Variants in RTN1 observed in about 807,000 individuals in gnomAD.
RTN1 encodes the protein reticulon 1.
Under a neutral mutation model 65.5 loss-of-function variants are expected in RTN1, and 25 were observed. The observed-to-expected ratio is 0.38, with a 90% CI of 0.28 to 0.53. The LOEUF is 0.53. Ranked by LOEUF, RTN1 falls within the 20% of genes least tolerant of loss-of-function variation. The pLI is 0.79. For missense variants in RTN1, 983 were observed against 1,025.4 expected (o/e 0.96, Z 0.57); for synonymous variants, 471 against 447.6 (o/e 1.05, Z -0.66).
At chr14:59,675,470 A>C (rs550720827) in intron 3 of RTN1, among the ~76,000 whole-genome samples, 26 of 150,966 alleles carry the variant, frequency 1.7e-4, no homozygotes, top group African/African-American at 4.2e-4. Context: ...TAATTTATTG[A>C]GCACTTACTA....
At chr14:59,704,793 T>C (rs945961433) in intron 3 of RTN1, among the ~76,000 whole-genome samples, 1 of 152,136 alleles carries the variant, frequency 6.6e-6, no homozygotes, top group Admixed American at 6.5e-5. Context: ...TCCCGGACAC[T>C]GTGATCAGGA....
At chr14:59,661,305 C>T (rs369187442) in intron 3 of RTN1, among the ~76,000 whole-genome samples, 5 of 149,564 alleles carry the variant, frequency 3.3e-5, no homozygotes, top group South Asian at 4.2e-4. Flanking sequence ...GATTCACAGC[C>T]GAATTCTATT....
chr14:59,666,734 G>C (rs1476937066), intron 3 of RTN1, among the ~76,000 whole-genome samples: 1 of 151,798 alleles, frequency 6.6e-6, no homozygotes, highest in Non-Finnish European at 1.5e-5. Context: ...GATTCAAATA[G>C]ATGCAATAAA....
chr14:59,675,871 C>T (rs1883616596), intron 3 of RTN1, among the ~76,000 whole-genome samples: 1 of 152,110 alleles, frequency 6.6e-6, no homozygotes, highest in Non-Finnish European at 1.5e-5. Flanking sequence ...ATGCAACCAG[C>T]TATTAAGGGC....
intron 1 of RTN1, among the ~76,000 whole-genome samples, chr14:59,767,109 T>C (rs570431467): frequency 6.6e-6 from 1 of 152,306 alleles, no homozygotes; most frequent in Admixed American, 6.5e-5. Context: ...CTGCCTTTCT[T>C]CCCTTTAGTA....
intron 1 of RTN1, among the ~76,000 whole-genome samples, chr14:59,818,603 G>A (rs908787184): frequency 1.1e-4 from 16 of 151,982 alleles, no homozygotes; most frequent in African/African-American, 2.9e-4. Flanking sequence ...CTTTGTCATC[G>A]CGAATAGTAT....
chr14:59,800,362 A>G (rs1259320874), intron 1 of RTN1, among the ~76,000 whole-genome samples: 1 of 152,166 alleles, frequency 6.6e-6, no homozygotes, highest in Non-Finnish European at 1.5e-5. Context: ...TTTATTCAAA[A>G]CTAAAAGGAA....
chr14:59,855,563 T>C (rs1488068910), intron 1 of RTN1, among the ~76,000 whole-genome samples: 1 of 152,228 alleles, frequency 6.6e-6, no homozygotes, highest in East Asian at 1.9e-4. Flanking sequence ...CAGATAATTC[T>C]ACCATCTGTG....
intron 1 of RTN1, among the ~76,000 whole-genome samples, chr14:59,769,712 A>G (rs1885917556): frequency 6.6e-6 from 1 of 152,240 alleles, no homozygotes; most frequent in Admixed American, 6.5e-5. Flanking sequence ...ATTCCTGACA[A>G]CATCAACTCA....
rs1566710984 is a variant in RTN1 at position 59,749,169 on chromosome 14, T to TC, written c.242-2689_242-2688insG. The stretch of plus-strand genomic sequence containing the variant: ...ATCTATCTATCTATATCTATCTATA[T>TC]ATCTATCTATATATCTATCTATATA... On this transcript the variant is annotated intron_variant, in intron 1 of 8. Transcript: ENST00000267484. Among the ~76,000 whole-genome samples, 3 of 105,472 alleles carry TC rather than the reference T, an allele frequency of 2.8e-5. No individual in the cohort carries two copies. In the Admixed American group the frequency reaches 3.3e-4, roughly 12 times the overall value. The allele number at this position is 105,472 out of a possible 152,430, so 69.2% of individuals were successfully genotyped here.
intron 3 of RTN1, among the ~76,000 whole-genome samples, chr14:59,643,451 C>T (rs1179853465): frequency 6.6e-6 from 1 of 152,170 alleles, no homozygotes; most frequent in Admixed American, 6.5e-5. Flanking sequence ...GACTCCTGAC[C>T]TCATGACCCA....
At chr14:59,831,799 G>A (rs191661445) in intron 1 of RTN1, among the ~76,000 whole-genome samples, 37 of 151,206 alleles carry the variant, frequency 2.4e-4, no homozygotes, top group African/African-American at 7.8e-4. Context: ...TGTCTCTCTG[G>A]AGAACACTCA....
chr14:59,759,368 G>A (rs182064763), intron 1 of RTN1, among the ~76,000 whole-genome samples: 152 of 152,264 alleles, frequency 1.0e-3, no homozygotes, highest in African/African-American at 3.4e-3. Flanking sequence ...TTTACAAGCT[G>A]TGTGACCCTG....
intron 1 of RTN1, among the ~76,000 whole-genome samples, chr14:59,801,843 A>C (rs1886552286): frequency 6.6e-6 from 1 of 152,224 alleles, no homozygotes; most frequent in East Asian, 1.9e-4. Context: ...CACAATTTTC[A>C]GTTCTTCCTG....
chr14:59,674,044 C>A (rs1883568077), intron 3 of RTN1, among the ~76,000 whole-genome samples: 1 of 152,136 alleles, frequency 6.6e-6, no homozygotes, highest in Non-Finnish European at 1.5e-5. Flanking sequence ...AGTTTCAATG[C>A]CACAAAAATT....
intron 1 of RTN1, among the ~76,000 whole-genome samples, chr14:59,845,695 C>T (rs1442663442): frequency 1.3e-5 from 2 of 152,174 alleles, no homozygotes; most frequent in South Asian, 2.1e-4. Context: ...GCTACCCCTT[C>T]CCCAGGAAAA....
At chr14:59,764,386 C>CCT (rs1398985508) in intron 1 of RTN1, among the ~76,000 whole-genome samples, 2 of 151,306 alleles carry the variant, frequency 1.3e-5, no homozygotes, top group African/African-American at 4.9e-5. Flanking sequence ...AATGGCGCAA[C>CCT]CTCGGCTCAC....
chr14:59,678,594 G>T (rs774237848), intron 3 of RTN1, among the ~76,000 whole-genome samples: 1 of 152,132 alleles, frequency 6.6e-6, no homozygotes, highest in African/African-American at 2.4e-5. Flanking sequence ...GAGGTCCAGC[G>T]TGGGCCACAG....
chr14:59,607,226 A>G, intron 4 of RTN1, 59 bp downstream of exon 4: 1 of 1,478,070 alleles, frequency 6.8e-7, no homozygotes, highest in Non-Finnish European at 9.4e-7. Context: ...GAGCTGAAAT[A>G]CAGGTGAGGG....
Sources: allele counts gnomAD v4.1 joint callset (sites outside exome capture counted in the v4.1 genomes callset), GRCh38; gene constraint gnomAD v4.1.1; transcripts MANE v1.5; gene names NCBI Gene and HGNC (gene_info 2026-07-23, HGNC 2026-07-21).